The following CA10 variants were observed in gnomAD, a reference collection of about 807,000 sequenced individuals.
CA10 encodes carbonic anhydrase-related protein 10.
CA10 carries 14 observed loss-of-function variants against 44.2 expected under a neutral mutation model. That is an observed-to-expected ratio of 0.32 (90% CI 0.21 to 0.50). The LOEUF (loss-of-function observed/expected upper bound fraction) is 0.50, where lower values mean the gene tolerates loss of function less well. Among genes scored for constraint, CA10 ranks in the 20% least tolerant of loss-of-function variants. The pLI, the probability that CA10 is intolerant of heterozygous loss-of-function variation, is 0.99. For missense variants in CA10, 350 were observed against 409.7 expected (o/e 0.85, Z 1.26); for synonymous variants, 159 against 141.6 (o/e 1.12, Z -0.87).
At chr17:52,102,659 A>G (rs945904268) in intron 1 of CA10, among the ~76,000 whole-genome samples, 4 of 152,316 alleles carry the variant, frequency 2.6e-5, no homozygotes, top group Admixed American at 1.3e-4. Context: ...TGTGTTCACT[A>G]TAAAAGCCTC....
intron 3 of CA10, among the ~76,000 whole-genome samples, chr17:51,820,421 C>A (rs1298366352): frequency 2.6e-5 from 3 of 117,572 alleles, no homozygotes; most frequent in Non-Finnish European, 3.7e-5. Flanking sequence ...CCCCCCCCGC[C>A]CGCCGATTTT....
intron 3 of CA10, among the ~76,000 whole-genome samples, chr17:51,869,634 G>A (rs893056446): frequency 6.6e-6 from 1 of 152,196 alleles, no homozygotes; most frequent in Admixed American, 6.5e-5. Flanking sequence ...TTTAGGCTGG[G>A]TATAGTGGCT....
chr17:52,006,909 TTC>T (rs1162059418), intron 2 of CA10, among the ~76,000 whole-genome samples: 7 of 151,782 alleles, frequency 4.6e-5, no homozygotes, highest in Non-Finnish European at 3.0e-5. Flanking sequence ...TTGTGATTCT[TTC>T]TCTTTCATCC....
chr17:52,013,410 C>G (rs1239150479), intron 2 of CA10, among the ~76,000 whole-genome samples: 1 of 151,196 alleles, frequency 6.6e-6, no homozygotes. Context: ...AAAAAGAAAC[C>G]AGAATAGACT....
intron 3 of CA10, among the ~76,000 whole-genome samples, chr17:51,859,409 G>A (rs1003171117): frequency 6.6e-6 from 1 of 152,134 alleles, no homozygotes; most frequent in African/African-American, 2.4e-5. Context: ...TCTCCCCAGT[G>A]GCCACGTTTG....
At chr17:52,020,142 A>G (rs1345209833) in intron 2 of CA10, among the ~76,000 whole-genome samples, 1 of 152,008 alleles carries the variant, frequency 6.6e-6, no homozygotes, top group African/African-American at 2.4e-5. Flanking sequence ...TTTTATCATT[A>G]TAAAATATCC....
chr17:51,806,763 A>G (rs996698167), intron 3 of CA10, among the ~76,000 whole-genome samples: 3 of 152,260 alleles, frequency 2.0e-5, no homozygotes, highest in Non-Finnish European at 2.9e-5. Flanking sequence ...CTTGAGACTG[A>G]ATTCCATCAG....
chr17:51,848,477 G>C (rs951510667), intron 3 of CA10, among the ~76,000 whole-genome samples: 13 of 152,290 alleles, frequency 8.5e-5, no homozygotes, highest in South Asian at 8.3e-4. Flanking sequence ...ATCTGTTCCA[G>C]GTGCTGTGGC....
chr17:51,807,403 G>T (rs1253075916), intron 3 of CA10, among the ~76,000 whole-genome samples: 1 of 152,142 alleles, frequency 6.6e-6, no homozygotes, highest in Non-Finnish European at 1.5e-5. Context: ...AGGAAATTTA[G>T]AACCAGTGAC....
chr17:51,981,095 C>G (rs989422668), intron 2 of CA10, among the ~76,000 whole-genome samples: 2 of 152,022 alleles, frequency 1.3e-5, no homozygotes, highest in Non-Finnish European at 2.9e-5. Context: ...ATGGTACTGC[C>G]ATTTTGGAAG....
intron 1 of CA10, among the ~76,000 whole-genome samples, chr17:52,127,636 T>A (rs1427382011): frequency 1.3e-5 from 2 of 152,158 alleles, no homozygotes; most frequent in African/African-American, 4.8e-5. Context: ...GTCCTCTAGC[T>A]CTCTGAGGGT....
At chr17:52,153,218 T>C (rs1989739443) in intron 1 of CA10, among the ~76,000 whole-genome samples, 1 of 152,170 alleles carries the variant, frequency 6.6e-6, no homozygotes, top group African/African-American at 2.4e-5. Context: ...TCTATGATGA[T>C]GGTTATCTGT....
intron 3 of CA10, among the ~76,000 whole-genome samples, chr17:51,791,846 A>T (rs1047642824): frequency 5.3e-5 from 8 of 152,184 alleles, no homozygotes; most frequent in African/African-American, 1.7e-4. Context: ...AATTTTTGGG[A>T]TTAATCCACT....
At chr17:51,961,649 A>T (rs868167854) in intron 2 of CA10, among the ~76,000 whole-genome samples, 29 of 152,184 alleles carry the variant, frequency 1.9e-4, no homozygotes, top group Admixed American at 9.8e-4. Flanking sequence ...CATTAAAATG[A>T]TATTAAGAGA....
At chr17:51,973,780 C>T (rs1213469619) in intron 2 of CA10, among the ~76,000 whole-genome samples, 2 of 152,042 alleles carry the variant, frequency 1.3e-5, no homozygotes, top group African/African-American at 4.8e-5. Context: ...TAAAGAAAGA[C>T]AATAATATTT....
At chr17:51,727,915 TCTCA>T (rs1019926623) in intron 4 of CA10, among the ~76,000 whole-genome samples, 86 of 151,916 alleles carry the variant, frequency 5.7e-4, no homozygotes, top group African/African-American at 2.0e-3. Flanking sequence ...AAGGACGGGG[TCTCA>T]CTGTCACCTA....
intron 2 of CA10, among the ~76,000 whole-genome samples, chr17:51,950,709 CT>C (rs1007940352): frequency 6.6e-6 from 1 of 152,126 alleles, no homozygotes; most frequent in African/African-American, 2.4e-5. Context: ...CTATAAATAG[CT>C]TTTCGTGCAC....
intron 2 of CA10, among the ~76,000 whole-genome samples, chr17:51,985,224 T>C (rs949780658): frequency 6.6e-6 from 1 of 151,980 alleles, no homozygotes; most frequent in Non-Finnish European, 1.5e-5. Flanking sequence ...TGCAAGCCAA[T>C]AAATGTGATA....
intron 2 of CA10, among the ~76,000 whole-genome samples, chr17:52,059,665 G>A (rs543715390): frequency 0.013 from 1,575 of 118,348 alleles, 31 homozygotes; most frequent in Non-Finnish European, 0.013. Flanking sequence ...AGAACTTAAA[G>A]TATAATAAAA....
Sources: allele counts gnomAD v4.1 joint callset (sites outside exome capture counted in the v4.1 genomes callset), GRCh38; gene constraint gnomAD v4.1.1; transcripts MANE v1.5; gene names NCBI Gene and HGNC (gene_info 2026-07-23, HGNC 2026-07-21).